CERS4: variants seen among roughly 807,000 people sequenced by gnomAD.
CERS4 encodes the protein ceramide synthase 4, also known as LAG1 homolog, ceramide synthase 4.
Under a neutral mutation model 51.8 loss-of-function variants are expected in CERS4, and 65 were observed. That is an observed-to-expected ratio of 1.26 (90% CI 1.03 to 1.54). The LOEUF (loss-of-function observed/expected upper bound fraction) is 1.54, where lower values mean the gene tolerates loss of function less well. Ranked by LOEUF, CERS4 falls within the 40% of genes most tolerant of loss-of-function variation. The pLI is 0.00. For missense variants in CERS4, 563 were observed against 500.4 expected, an observed-to-expected ratio of 1.13 and a Z score of -1.19; for synonymous variants, 228 against 208.4, an observed-to-expected ratio of 1.09 and a Z score of -0.81.
At position 8,254,593 on chromosome 19, in the gene CERS4, A is replaced by T; in HGVS notation, c.268A>T (p.Thr90Ser). 6.2e-7 allele frequency: 1 copy of T among 1,610,860 alleles called. No individual in the cohort carries two copies. The highest frequency in any genetic ancestry group is 8.5e-7 in the Non-Finnish European group (1 of 1,178,944). The change falls in exon 4 of 12, where the codon ACG (threonine) becomes TCG (serine). Residue 90 changes from threonine (T) to serine (S), a missense_variant. Transcript: ENST00000251363. ...PNATLEKHFL[T>S]EGHRPKEPQL... ...CGCCACGCTGGAGAAACACTTCCTCACGGAAGGGCACAGGCCCAAGGAGGT... is the reference window on the plus strand; with the variant it reads ...CGCCACGCTGGAGAAACACTTCCTCTCGGAAGGGCACAGGCCCAAGGAGGT...
intron 3 of CERS4, among the ~76,000 whole-genome samples, chr19:8,254,044 G>A (rs1255852359): frequency 2.6e-5 from 4 of 152,032 alleles, no homozygotes; most frequent in Non-Finnish European, 4.4e-5. Context: ...GTCTTAGGCC[G>A]GGCGCGGTGG....
chr19:8,227,449 C>T (rs1383410420), intron 2 of CERS4, among the ~76,000 whole-genome samples: 1 of 151,904 alleles, frequency 6.6e-6, no homozygotes, highest in Non-Finnish European at 1.5e-5. Flanking sequence ...ATTCTCATGC[C>T]TCAGCCTTCC....
chr19:8,237,867 A>G (rs569975949), intron 2 of CERS4, among the ~76,000 whole-genome samples: 54 of 152,314 alleles, frequency 3.5e-4, no homozygotes, highest in African/African-American at 1.2e-3. Flanking sequence ...AAACAAAAAA[A>G]AGTGTTGGAT....
chr19:8,237,707 C>T (rs955382259), intron 2 of CERS4, among the ~76,000 whole-genome samples: 34 of 151,938 alleles, frequency 2.2e-4, no homozygotes, highest in Admixed American at 2.0e-3. Flanking sequence ...AAAAATTAGC[C>T]GGGCGTGGTG....
chr19:8,238,664 G>C (rs1968379854), intron 2 of CERS4: 1 of 856,734 alleles, frequency 1.2e-6, no homozygotes, highest in Non-Finnish European at 1.4e-6. Context: ...TTGGTTGTAG[G>C]TTTTGAGGGG....
intron 2 of CERS4, chr19:8,214,413 A>G (rs1287164477): frequency 1.3e-5 from 2 of 152,584 alleles, no homozygotes. Context: ...GCAGCTAGAC[A>G]TCTGGAGGAA....
chr19:8,234,353 A>G (rs1357229120), intron 2 of CERS4, among the ~76,000 whole-genome samples: 1 of 152,106 alleles, frequency 6.6e-6, no homozygotes, highest in Non-Finnish European at 1.5e-5. Flanking sequence ...GTTGGAGTAC[A>G]GTAGTGCAGT....
intron 2 of CERS4, among the ~76,000 whole-genome samples, chr19:8,226,058 G>A (rs754227198): frequency 1.3e-5 from 2 of 152,060 alleles, no homozygotes; most frequent in Non-Finnish European, 2.9e-5. Context: ...TTAGCCAGGT[G>A]TGGTGGCGCA....
At chr19:8,240,765 T>C (rs1303928943) in intron 2 of CERS4, among the ~76,000 whole-genome samples, 1 of 152,144 alleles carries the variant, frequency 6.6e-6, no homozygotes, top group Non-Finnish European at 1.5e-5. Flanking sequence ...GCCAGGGTCC[T>C]TGGGGGTTCG....
At chr19:8,238,864 C>T (rs1968389496) in intron 2 of CERS4, among the ~76,000 whole-genome samples, 1 of 151,898 alleles carries the variant, frequency 6.6e-6, no homozygotes, top group African/African-American at 2.4e-5. Context: ...TTTGGGAAGC[C>T]ATAGTGGGAG....
At chr19:8,209,799 C>T (rs983326515) in intron 1 of CERS4, 2 of 152,252 alleles carry the variant, frequency 1.3e-5, no homozygotes, top group Non-Finnish European at 2.9e-5. Flanking sequence ...ATGTGTGAGC[C>T]GGGGGAGCGC....
intron 2 of CERS4, among the ~76,000 whole-genome samples, chr19:8,248,134 G>C (rs186000352): frequency 1.3e-5 from 2 of 152,240 alleles, no homozygotes; most frequent in Non-Finnish European, 2.9e-5. Flanking sequence ...TACCCGGCCC[G>C]TTATACTTTG....
intron 2 of CERS4, among the ~76,000 whole-genome samples, chr19:8,237,719 T>C (rs12975557): frequency 0.01 from 1,591 of 151,964 alleles, 7 homozygotes; most frequent in Middle Eastern, 0.02. Context: ...GGCGTGGTGG[T>C]GGGCGCCTGT....
intron 2 of CERS4, among the ~76,000 whole-genome samples, chr19:8,232,274 GTAGAATTTTATTTCTTT>G: frequency 6.6e-6 from 1 of 151,916 alleles, no homozygotes; most frequent in African/African-American, 2.4e-5. Flanking sequence ...ATACTGTCCA[GTAGAATTTTATTTCTTT>G]TTTCTTTTCT....
chr19:8,225,867 G>C (rs540039824), intron 2 of CERS4, among the ~76,000 whole-genome samples: 14 of 151,968 alleles, frequency 9.2e-5, no homozygotes, highest in Non-Finnish European at 1.9e-4. Context: ...TAGGTGATCC[G>C]GCATGTCTCC....
At chr19:8,221,181 C>G (rs1404049692) in intron 2 of CERS4, among the ~76,000 whole-genome samples, 3 of 150,166 alleles carry the variant, frequency 2.0e-5, no homozygotes, top group Non-Finnish European at 4.4e-5. Context: ...GTTGCTCAGG[C>G]TGGTCTTGAA....
At chr19:8,219,814 T>C (rs143215160) in intron 2 of CERS4, among the ~76,000 whole-genome samples, 3,294 of 149,424 alleles carry the variant, frequency 0.022, 108 homozygotes, top group African/African-American at 0.076. Flanking sequence ...AGCGAAACTC[T>C]GTTTCAAAAA....
At chr19:8,259,037 G>A (rs537492242) in intron 10 of CERS4, among the ~76,000 whole-genome samples, 1 of 152,194 alleles carries the variant, frequency 6.6e-6, no homozygotes, top group South Asian at 2.1e-4. Flanking sequence ...GGGAGGCTAA[G>A]GCAGGAGAAT....
At chr19:8,234,323 A>G (rs1968142787) in intron 2 of CERS4, among the ~76,000 whole-genome samples, 2 of 151,940 alleles carry the variant, frequency 1.3e-5, no homozygotes, top group Admixed American at 1.3e-4. Context: ...TAAATAAGAC[A>G]GTCTCCCTCT....
Sources: gnomAD v4.1 joint callset for allele counts (sites outside exome capture counted in the v4.1 genomes callset) on GRCh38, gnomAD v4.1.1 for gene constraint, MANE v1.5 for transcripts, NCBI Gene and HGNC (gene_info 2026-07-23, HGNC 2026-07-21) for gene names.